The following NAMPT variants were observed in gnomAD, a reference collection of about 807,000 sequenced individuals.
NAMPT encodes NAmPRTase.
NAMPT carries 7 observed loss-of-function variants against 58.7 expected under a neutral mutation model. The observed-to-expected ratio is 0.12, with a 90% CI of 0.07 to 0.22. The LOEUF (loss-of-function observed/expected upper bound fraction) is 0.22, where lower values mean the gene tolerates loss of function less well. Ranked by LOEUF, NAMPT falls within the 10% of genes least tolerant of loss-of-function variation. NAMPT has a pLI of 1.00. For synonymous variants in NAMPT, 145 were observed against 198.1 expected (o/e 0.73, Z 2.25); for missense variants, 271 against 567.9 (o/e 0.48, Z 5.31).
chr7:106,258,044 T>C (rs1304207126), intron 8 of NAMPT, among the ~76,000 whole-genome samples: 1 of 152,246 alleles, frequency 6.6e-6, no homozygotes, highest in Non-Finnish European at 1.5e-5. Context: ...GAGATTGCTA[T>C]GTGTAAGGTC....
chr7:106,282,089 A>G (rs1186283036), intron 1 of NAMPT, among the ~76,000 whole-genome samples: 3 of 152,202 alleles, frequency 2.0e-5, no homozygotes, highest in Admixed American at 1.3e-4. Flanking sequence ...AAGCTGCAAC[A>G]GTACCCCACT....
At chr7:106,260,916 T>TAATCACAGATCACC (rs1170874400) in intron 8 of NAMPT, among the ~76,000 whole-genome samples, 1 of 152,184 alleles carries the variant, frequency 6.6e-6, no homozygotes, top group Non-Finnish European at 1.5e-5. Flanking sequence ...CGAAGATCAC[T>TAATCACAGATCACC]AATCACAGAT....
intron 1 of NAMPT, among the ~76,000 whole-genome samples, chr7:106,283,266 A>G (rs1331665653): frequency 6.6e-6 from 1 of 152,222 alleles, no homozygotes; most frequent in African/African-American, 2.4e-5. Context: ...TCACTAGATT[A>G]GAAACCTTTA....
At chr7:106,252,493 C>A (rs1792121026) in intron 10 of NAMPT, among the ~76,000 whole-genome samples, 1 of 151,974 alleles carries the variant, frequency 6.6e-6, no homozygotes. Flanking sequence ...TATGAATATT[C>A]ATGAATAGTT....
chr7:106,277,608 T>C lies in NAMPT; in HGVS notation c.58-429A>G, dbSNP rs143332407. Among the ~76,000 whole-genome samples the C allele has an allele frequency of 2.4e-3, 359 of 152,300 alleles. 3 individuals carry two copies. The highest frequency in any genetic ancestry group is 8.2e-3 in the African/African-American group (340 of 41,558). The stretch of plus-strand genomic sequence containing the variant: ...AAAGTCAATGACTTAACATGACTAC[T>C]TTACTTGTACAATGAGGTACTGAGG... On this transcript the variant is annotated intron_variant, in intron 1 of 10. Coordinates refer to ENST00000222553, the MANE Select transcript of NAMPT (RefSeq NM_005746.3).
Position 106,284,968 on chromosome 7 carries a change from C to T in NAMPT, c.-84G>A. The T allele has an allele frequency of 6.6e-7, 1 of 1,520,726 alleles. No homozygotes were observed. The highest frequency in any genetic ancestry group is 8.9e-7 in the Non-Finnish European group (1 of 1,126,186). The allele number at this position is 1,520,726 out of a possible 1,614,324, so 94.2% of individuals were successfully genotyped here. A position where few individuals can be genotyped will look rare whatever the true frequency, so the allele number is the denominator to read the frequency against. On this transcript the variant is annotated 5_prime_UTR_variant, in exon 1 of 11. Transcript: ENST00000222553. ...GAGAAAAATGAGCTTCACCGCGCTC[C>T]GTTGCTTAAGTCACTGCTCGGTCGG...
intron 4 of NAMPT, chr7:106,270,264 C>T (rs755127959): frequency 2.4e-6 from 1 of 410,524 alleles, no homozygotes; most frequent in South Asian, 1.8e-5. Context: ...ATTTTATAAA[C>T]CAGATTGTTA....
At position 106,249,143 on chromosome 7, in the gene NAMPT, T is replaced by A. The variant is rs970260167; in HGVS notation, c.*1940A>T. ...CACATTTTGTGAAGAAATGTGTGTT[T>A]TTCTTAATACTACTCATCTTTACTC... On this transcript the variant is annotated 3_prime_UTR_variant, in exon 11 of 11. Coordinates refer to ENST00000222553, the MANE Select transcript of NAMPT (RefSeq NM_005746.3). The A allele has an allele frequency of 1.0e-4, 16 of 152,448 alleles. No homozygotes were observed. Among genetic ancestry groups the A allele is most frequent in the Non-Finnish European group, 2.4e-4 (16 of 67,966 alleles). 9.4% of individuals were successfully genotyped at this position (152,448 alleles called of 1,614,324 possible).
intron 1 of NAMPT, among the ~76,000 whole-genome samples, chr7:106,283,455 GAC>G (rs1792803613): frequency 6.6e-6 from 1 of 151,968 alleles, no homozygotes; most frequent in Admixed American, 6.6e-5. Flanking sequence ...AAAAAAATCT[GAC>G]AGTTATTTTA....
chr7:106,280,301 T>C (rs1050063675), intron 1 of NAMPT, among the ~76,000 whole-genome samples: 2 of 152,144 alleles, frequency 1.3e-5, no homozygotes, highest in Non-Finnish European at 2.9e-5. Context: ...ACATTTTTGG[T>C]TGAGCAACTG....
At chr7:106,261,040 A>AG (rs1454048222) in intron 8 of NAMPT, among the ~76,000 whole-genome samples, 14 of 152,262 alleles carry the variant, frequency 9.2e-5, no homozygotes, top group African/African-American at 3.4e-4. Context: ...GACTTGCTCA[A>AG]CACAGGGTGG....
rs937412734 is a variant in NAMPT at position 106,253,343 on chromosome 7, A to G, written c.1231-192T>C. On this transcript the variant is annotated intron_variant, in intron 9 of 10. Coordinates refer to ENST00000222553, the MANE Select transcript of NAMPT (RefSeq NM_005746.3). ...CCTGTTTTGAAGGATAGTCGTTTGT[A>G]ATAAAGAAAAAGTATGACATCTTGG... is the stretch of plus-strand genomic sequence containing the variant. 29 of 557,382 alleles carry G rather than the reference A, an allele frequency of 5.2e-5. No homozygotes were observed. The Admixed American group carries it at 9.1e-4, about 18-fold the overall frequency. 34.5% of individuals were successfully genotyped at this position (557,382 alleles called of 1,614,324 possible).
chr7:106,264,000 T>C (rs1200754583), intron 6 of NAMPT, among the ~76,000 whole-genome samples: 1 of 152,090 alleles, frequency 6.6e-6, no homozygotes, highest in African/African-American at 2.4e-5. Context: ...AATACATATT[T>C]CCATTATTTT....
intron 7 of NAMPT, 126 bp from the exon 8 acceptor site, chr7:106,261,833 A>G: frequency 2.0e-6 from 2 of 989,056 alleles, no homozygotes; most frequent in African/African-American, 1.6e-5. Flanking sequence ...TAAAAATTTT[A>G]TAACACTATG....
chr7:106,278,543 T>G (rs536573173), intron 1 of NAMPT, among the ~76,000 whole-genome samples: 5 of 152,208 alleles, frequency 3.3e-5, no homozygotes, highest in Admixed American at 2.0e-4. Context: ...GATCCCACTT[T>G]AATAAAATTT....
At chr7:106,282,444 C>T (rs1332187123) in intron 1 of NAMPT, among the ~76,000 whole-genome samples, 4 of 152,154 alleles carry the variant, frequency 2.6e-5, no homozygotes, top group African/African-American at 9.7e-5. Context: ...TGAGAAGCAA[C>T]CTACACCGGA....
upstream of NAMPT, chr7:106,285,317 C>T (rs1792857456): frequency 1.9e-6 from 1 of 535,292 alleles, no homozygotes; most frequent in Non-Finnish European, 2.4e-6. Flanking sequence ...CGGGCGCTTA[C>T]CTAAGTTCGA....
chr7:106,272,116 G>GA (rs1792546532), intron 4 of NAMPT: 1 of 384,326 alleles, frequency 2.6e-6, no homozygotes, highest in Non-Finnish European at 5.2e-6. Context: ...ACTGATGAGA[G>GA]AAAAATGAAG....
chr7:106,264,872 T>A (rs1199879977), intron 6 of NAMPT, among the ~76,000 whole-genome samples: 1 of 151,724 alleles, frequency 6.6e-6, no homozygotes, highest in East Asian at 1.9e-4. Flanking sequence ...CTTTATACAA[T>A]GTGTGTGTGT....
Sources: gnomAD v4.1 joint callset for allele counts (sites outside exome capture counted in the v4.1 genomes callset) on GRCh38, gnomAD v4.1.1 for gene constraint, MANE v1.5 for transcripts, NCBI Gene and HGNC (gene_info 2026-07-23, HGNC 2026-07-21) for gene names.